AMTN: variants seen among roughly 807,000 people sequenced by gnomAD.
AMTN encodes the protein amelotin.
In AMTN, 29 loss-of-function variants were observed where a neutral mutation model predicts 27.4. The ratio of observed to expected loss-of-function variants is 1.06; its 90% CI spans 0.79 to 1.44. AMTN has a LOEUF of 1.44. AMTN is among the 40% of genes most tolerant of loss of function. The probability of loss-of-function intolerance (pLI) is 0.00; values close to 1 mark genes in which losing one functional copy is unlikely to be tolerated. For missense variants in AMTN, 247 were observed against 248.8 expected, an observed-to-expected ratio of 0.99 and a Z score of 0.05; for synonymous variants, 86 against 95.7, an observed-to-expected ratio of 0.90 and a Z score of 0.59.
rs759038631 is a variant in AMTN at position 70,531,194 on chromosome 4, C to T, written c.513C>T (p.Arg171=). 1.2e-6 allele frequency: 2 copies of T among 1,614,042 alleles called. No homozygotes were observed. Among genetic ancestry groups the T allele is most frequent in the Non-Finnish European group, 1.7e-6 (2 of 1,180,002 alleles). The change falls in exon 8 of 9, where the codon CGC becomes CGT. Residue 171 remains arginine (R), a synonymous_variant. Coordinates refer to ENST00000339336, the MANE Select transcript of AMTN (RefSeq NM_212557.4). ...CCACCCAGGGAACCCCAGCAGGCCG[C>T]CTCCCAACTCCCAGTGGCACAGATG... ...NPATQGTPAG[R]LPTPSGTDDD...
chr4:70,526,274 T>A (rs1042326129), intron 5 of AMTN, among the ~76,000 whole-genome samples: 3 of 152,176 alleles, frequency 2.0e-5, no homozygotes, highest in East Asian at 1.9e-4. Context: ...TGTAACATGC[T>A]TTTTTCCACA....
At chr4:70,519,217 G>A (rs28716690) in intron 2 of AMTN, among the ~76,000 whole-genome samples, 7,497 of 152,076 alleles carry the variant, frequency 0.049, 582 homozygotes, top group African/African-American at 0.16. Flanking sequence ...TTTTCTACTT[G>A]GAAATGCTAA....
chr4:70,529,104 T>A, intron 6 of AMTN, 80 bp from the exon 7 acceptor site: 2 of 1,240,956 alleles, frequency 1.6e-6, no homozygotes, highest in Non-Finnish European at 2.2e-6. Flanking sequence ...GTATTTTAAG[T>A]TTTAAGTGAT....
At chr4:70,518,690 TG>T (rs1187508061) in intron 1 of AMTN, 36 bp downstream of exon 1, 1 of 1,072,244 alleles carries the variant, frequency 9.3e-7, no homozygotes, top group African/African-American at 1.6e-5. Flanking sequence ...GTAGAACTTT[TG>T]TTTTTAAAGT....
chr4:70,520,601 C>A (rs1471351083), intron 2 of AMTN, among the ~76,000 whole-genome samples: 1 of 152,112 alleles, frequency 6.6e-6, no homozygotes, highest in Non-Finnish European at 1.5e-5. Context: ...ATGGATTTAT[C>A]TTTTTGAGAT....
chr4:70,527,604 AC>A (rs1335609268), intron 5 of AMTN, among the ~76,000 whole-genome samples: 3 of 152,172 alleles, frequency 2.0e-5, no homozygotes, highest in Admixed American at 6.6e-5. Flanking sequence ...TAATTCCTGC[AC>A]CAACTGTCTT....
intron 7 of AMTN, 104 bp from the exon 8 acceptor site, chr4:70,530,935 T>C: frequency 6.9e-7 from 1 of 1,458,360 alleles, no homozygotes; most frequent in Non-Finnish European, 9.2e-7. Flanking sequence ...TCTCTGACTT[T>C]ACTCTCTCCA....
Position 70,532,451 on chromosome 4 carries a change from C to G in AMTN, c.620-4C>G. The G allele has an allele frequency of 6.2e-7, 1 of 1,603,286 alleles. No individual in the cohort carries two copies. Among genetic ancestry groups the G allele is most frequent in the Non-Finnish European group, 8.5e-7 (1 of 1,173,578 alleles). ...CATTTAAAAGGTGTTTTATTTTCTT[C>G]CAGGAATTCAGTAAGCTGTTTCAAA... On this transcript the variant is annotated splice_polypyrimidine_tract_variant and splice_region_variant and intron_variant, in intron 8 of 8. Coordinates refer to ENST00000339336, the MANE Select transcript of AMTN (RefSeq NM_212557.4).
At chr4:70,526,789 C>A (rs1402130080) in intron 5 of AMTN, among the ~76,000 whole-genome samples, 1 of 152,122 alleles carries the variant, frequency 6.6e-6, no homozygotes, top group Non-Finnish European at 1.5e-5. Flanking sequence ...GAGAGTTTCA[C>A]GTTGTACACT....
At position 70,524,793 on chromosome 4, in the gene AMTN, G is replaced by T. The variant is rs550123386; in HGVS notation, c.205-79G>T. ...ACTCCTTCCTTTAAATATATTTTAC[G>T]TTTAGTAAAAACATTTTAGTTTCCT... On this transcript the variant is annotated intron_variant, in intron 4 of 8. Coordinates refer to ENST00000339336, the MANE Select transcript of AMTN (RefSeq NM_212557.4). 13 of 1,302,888 alleles carry T rather than the reference G, an allele frequency of 1.0e-5. No homozygotes were observed. The South Asian group carries it at 1.0e-4, about 10-fold the overall frequency. The allele number at this position is 1,302,888 out of a possible 1,614,324, so 80.7% of individuals were successfully genotyped here.
chr4:70,523,775 C>A, intron 3 of AMTN, 93 bp from the exon 4 acceptor site: 1 of 1,110,732 alleles, frequency 9.0e-7, no homozygotes, highest in Non-Finnish European at 1.4e-6. Context: ...CCACCTCTGA[C>A]AGGACTGTCA....
At chr4:70,526,276 T>C (rs1419755454) in intron 5 of AMTN, among the ~76,000 whole-genome samples, 1 of 152,202 alleles carries the variant, frequency 6.6e-6, no homozygotes, top group African/African-American at 2.4e-5. Flanking sequence ...TAACATGCTT[T>C]TTTCCACAAA....
chr4:70,519,260 C>T (rs1211795820), intron 2 of AMTN, among the ~76,000 whole-genome samples: 2 of 151,948 alleles, frequency 1.3e-5, no homozygotes, highest in East Asian at 1.9e-4. Flanking sequence ...AAAAAGACCA[C>T]CAAAACATAT....
chr4:70,529,633 G>A lies in AMTN; in HGVS notation c.357+423G>A, dbSNP rs148146516. Among the ~76,000 whole-genome samples, 702 of 152,232 alleles carry A rather than the reference G, an allele frequency of 4.6e-3. 7 individuals are homozygous for A. Among genetic ancestry groups the A allele is most frequent in the African/African-American group, 0.016 (678 of 41,540 alleles). On this transcript the variant is annotated intron_variant, in intron 7 of 8. Coordinates refer to ENST00000339336, the MANE Select transcript of AMTN (RefSeq NM_212557.4). ...AAAAATATATCTTTTTCCAGCGTCA[G>A]ATAGTGATAAATGAACTCTTTCCTA...
At chr4:70,522,489 G>C (rs1351086114) in intron 2 of AMTN, among the ~76,000 whole-genome samples, 1 of 152,060 alleles carries the variant, frequency 6.6e-6, no homozygotes, top group East Asian at 1.9e-4. Flanking sequence ...AAAAGAAATG[G>C]GAGCCAGGAA....
At position 70,518,788 on chromosome 4, in the gene AMTN, C is replaced by G. The variant is rs374431307; in HGVS notation, c.11C>G (p.Thr4Arg). 2 of 1,606,830 alleles carry G rather than the reference C, an allele frequency of 1.2e-6. No individual in the cohort carries two copies. Among genetic ancestry groups the G allele is most frequent in the Admixed American group, 1.7e-5 (1 of 59,960 alleles). The change falls in exon 2 of 9, where the codon ACG becomes AGG. Residue 4 changes from threonine (T) to arginine (R), a missense_variant. Coordinates refer to ENST00000339336, the MANE Select transcript of AMTN (RefSeq NM_212557.4). MRS[T>R]ILLFCLLGST... is the part of the protein sequence containing the mutation. ...GTAGCAATCTGAAACATGAGGAGTA[C>G]GATTCTACTGTTTTGTCTTCTAGGA...
intron 2 of AMTN, among the ~76,000 whole-genome samples, chr4:70,519,698 AT>A (rs397938885): frequency 4.6e-4 from 31 of 67,236 alleles, no homozygotes; most frequent in Middle Eastern, 5.7e-3. Flanking sequence ...GTAGACATTA[AT>A]TTTTTTTTTA....
chr4:70,523,857 A>G lies in AMTN; in HGVS notation c.139-11A>G, dbSNP rs764472841. On this transcript the variant is annotated splice_polypyrimidine_tract_variant and intron_variant, in intron 3 of 8. Transcript: ENST00000339336. ...CCTCTTGTCTCATACATCACTTTCA[A>G]TCCCCTGCAGGTCTTTCCTTCTTTA... is the stretch of plus-strand genomic sequence containing the variant. 6.2e-7 allele frequency: 1 copy of G among 1,612,834 alleles called. No homozygotes were observed. The highest frequency in any genetic ancestry group is 8.5e-7 in the Non-Finnish European group (1 of 1,179,002).
chr4:70,527,643 A>G (rs983860245), intron 5 of AMTN, among the ~76,000 whole-genome samples: 2 of 152,218 alleles, frequency 1.3e-5, no homozygotes, highest in Non-Finnish European at 2.9e-5. Context: ...AGTCTATTTC[A>G]TAAGACTTTC....
Sources: allele counts gnomAD v4.1 joint callset (sites outside exome capture counted in the v4.1 genomes callset), GRCh38; gene constraint gnomAD v4.1.1; transcripts MANE v1.5; gene names NCBI Gene and HGNC (gene_info 2026-07-23, HGNC 2026-07-21).